MYH10: variants seen among roughly 807,000 people sequenced by gnomAD.
The protein encoded by MYH10 is myosin heavy chain 10, also known as myosin-10.
In MYH10, 55 loss-of-function variants were observed where a neutral mutation model predicts 257.8. The observed-to-expected ratio is 0.21, with a 90% confidence interval of 0.17 to 0.27. MYH10 has a LOEUF of 0.27. MYH10 is among the 10% of genes least tolerant of loss of function. The pLI is 1.00. For synonymous variants in MYH10, 854 were observed against 921.7 expected, an observed-to-expected ratio of 0.93 and a Z score of 1.33; for missense variants, 1,631 against 2,500.6, an observed-to-expected ratio of 0.65 and a Z score of 7.42.
At chr17:8,540,550 A>G (rs1007816801) in intron 14 of MYH10, among the ~76,000 whole-genome samples, 1 of 152,204 alleles carries the variant, frequency 6.6e-6, no homozygotes, top group Non-Finnish European at 1.5e-5. Flanking sequence ...CTCTAAAAAC[A>G]TTTAAAAAAT....
At chr17:8,544,564 G>A (rs1213551228) in intron 13 of MYH10, among the ~76,000 whole-genome samples, 2 of 152,072 alleles carry the variant, frequency 1.3e-5, no homozygotes, top group Non-Finnish European at 2.9e-5. Context: ...CAGTATTTAT[G>A]AGGATAGACT....
chr17:8,480,196 A>G lies in MYH10; in HGVS notation c.5511T>C (p.Gly1837=). Residue 1837 remains glycine (G), a synonymous_variant, in exon 40 of 43, where the codon GGT becomes GGC. Coordinates refer to ENST00000360416, the MANE Select transcript of MYH10 (RefSeq NM_001256012.3). ...TGGCCTTGAACTTAGACTTGACAGC[A>G]CCCTCGAGTTCCTGCAGCTTGGCCT... ...ELKAKLQELE[G]AVKSKFKATI... The G allele has an allele frequency of 6.2e-7, 1 of 1,613,908 alleles. No homozygotes were observed. The highest frequency in any genetic ancestry group is 8.5e-7 in the Non-Finnish European group (1 of 1,179,970).
chr17:8,544,115 T>C (rs1436981763), intron 13 of MYH10, among the ~76,000 whole-genome samples: 2 of 152,234 alleles, frequency 1.3e-5, no homozygotes, highest in Non-Finnish European at 2.9e-5. Flanking sequence ...TATTCCACTG[T>C]ATGGAGCTAT....
chr17:8,553,773 A>T (rs1165667021), intron 8 of MYH10, among the ~76,000 whole-genome samples, 182 bp downstream of exon 8: 1 of 152,228 alleles, frequency 6.6e-6, no homozygotes, highest in African/African-American at 2.4e-5. Flanking sequence ...CTGGTTTTAC[A>T]AACAACAAAA....
chr17:8,560,793 T>C, intron 7 of MYH10: 1 of 596,654 alleles, frequency 1.7e-6, no homozygotes, highest in Non-Finnish European at 3.2e-6. Context: ...CCGACACAAA[T>C]GGTTCCCAGT....
intron 7 of MYH10, among the ~76,000 whole-genome samples, chr17:8,563,906 AAG>A (rs991156088): frequency 7.8e-6 from 1 of 128,352 alleles, no homozygotes; most frequent in Admixed American, 7.8e-5. Context: ...AAAAAAAAAA[AAG>A]AGAGAGAGAA....
chr17:8,491,547 G>A (rs1043446991), intron 34 of MYH10, among the ~76,000 whole-genome samples: 1 of 152,204 alleles, frequency 6.6e-6, no homozygotes, highest in Non-Finnish European at 1.5e-5. Context: ...GACTTTGTGT[G>A]CTTTTCAAAG....
In MYH10 at chr17:8,513,400, T is replaced by C. The variant is rs1354376603; in HGVS notation, c.2745+138A>G. 1.1e-5 allele frequency: 15 copies of C among 1,314,202 alleles called. No homozygotes were observed. In the Middle Eastern group the frequency reaches 8.1e-4, roughly 71 times the overall value. 81.4% of individuals were successfully genotyped at this position (1,314,202 alleles called of 1,614,324 possible). Reference sequence around the variant, plus strand: ...TGGCAAAATATATACAATTTGGAAATGAGTGAAAAGGCCTCCCATAAAATA... The same window carrying C: ...TGGCAAAATATATACAATTTGGAAACGAGTGAAAAGGCCTCCCATAAAATA... On this transcript the variant is annotated intron_variant, in intron 23 of 42. Transcript: ENST00000360416.
At chr17:8,560,863 G>A in intron 7 of MYH10, 2 of 552,442 alleles carry the variant, frequency 3.6e-6, no homozygotes, top group Non-Finnish European at 6.9e-6. Flanking sequence ...CTTTGGCAAA[G>A]TGAGAAGAGG....
At chr17:8,523,530 T>C (rs1326547653) in intron 17 of MYH10, among the ~76,000 whole-genome samples, 1 of 152,014 alleles carries the variant, frequency 6.6e-6, no homozygotes, top group Admixed American at 6.6e-5. Flanking sequence ...AATCAGCATA[T>C]GTGAAAGACC....
chr17:8,582,940 G>A (rs758991833), intron 4 of MYH10, among the ~76,000 whole-genome samples: 16 of 152,246 alleles, frequency 1.1e-4, no homozygotes, highest in African/African-American at 3.9e-4. Context: ...AGATAACCTC[G>A]ATTTGAAAAA....
intron 35 of MYH10, 120 bp from the exon 36 acceptor site, chr17:8,487,714 T>C: frequency 8.9e-7 from 1 of 1,126,164 alleles, no homozygotes; most frequent in African/African-American, 1.5e-5. Context: ...TGTTACTCTG[T>C]AGAGGTCTCT....
At chr17:8,547,071 G>A (rs2082468821) in intron 11 of MYH10, among the ~76,000 whole-genome samples, 1 of 152,204 alleles carries the variant, frequency 6.6e-6, no homozygotes, top group Non-Finnish European at 1.5e-5. Context: ...CTACTGCTGG[G>A]AGGCTACCAT....
rs961642310 is a variant in MYH10 at position 8,504,570 on chromosome 17, C to T, written c.3599+124G>A. 4 of 792,992 alleles carry T rather than the reference C, an allele frequency of 5.0e-6. No individual in the cohort carries two copies. The highest frequency in any genetic ancestry group is 8.1e-6 in the Non-Finnish European group (4 of 493,264). The allele number at this position is 792,992 out of a possible 1,614,324, so 49.1% of individuals were successfully genotyped here. A position where few individuals can be genotyped will look rare whatever the true frequency, so the allele number is the denominator to read the frequency against. ...TAACCATTACCATTTAATCACCGTT[C>T]CACCTGCCATCACAAGGAAAAGCAC... On this transcript the variant is annotated intron_variant, in intron 28 of 42. Transcript: ENST00000360416. This position sits in a 1 kb window ranked among gnomAD's most constrained non-coding sequence, Gnocchi z 5.6.
intron 3 of MYH10, among the ~76,000 whole-genome samples, chr17:8,593,481 CA>C (rs1017218519): frequency 6.6e-6 from 1 of 151,546 alleles, no homozygotes; most frequent in African/African-American, 2.4e-5. Flanking sequence ...AGCAAGGTTG[CA>C]AAAAAAGTCA....
intron 4 of MYH10, 121 bp from the exon 5 acceptor site, chr17:8,577,459 A>T: frequency 1.9e-6 from 1 of 523,182 alleles, no homozygotes; most frequent in Non-Finnish European, 3.3e-6. Context: ...AAGAATAAAT[A>T]GAAAAAATAA....
At chr17:8,543,647 T>C (rs2082361941) in intron 13 of MYH10, among the ~76,000 whole-genome samples, 1 of 152,264 alleles carries the variant, frequency 6.6e-6, no homozygotes, top group Non-Finnish European at 1.5e-5. Flanking sequence ...CTAATTTTTG[T>C]ATTTTTAGTA....
At chr17:8,574,736 G>GAATC (rs1236285469) in intron 6 of MYH10, among the ~76,000 whole-genome samples, 23 of 152,206 alleles carry the variant, frequency 1.5e-4, no homozygotes, top group Admixed American at 4.6e-4. Context: ...TCACAAACCA[G>GAATC]TGGTATCAAA....
intron 7 of MYH10, among the ~76,000 whole-genome samples, chr17:8,556,302 A>T (rs969578674): frequency 6.6e-6 from 1 of 152,204 alleles, no homozygotes; most frequent in Admixed American, 6.5e-5. Context: ...ATGCATCCAC[A>T]TGGACTTGTA....
Sources: allele counts gnomAD v4.1 joint callset (sites outside exome capture counted in the v4.1 genomes callset), GRCh38; gene constraint gnomAD v4.1.1; non-coding constraint Gnocchi (gnomAD v3.1); transcripts MANE v1.5; gene names NCBI Gene and HGNC (gene_info 2026-07-23, HGNC 2026-07-21).